The following SYT10 variants were observed in gnomAD, a reference collection of about 807,000 sequenced individuals.
The protein encoded by SYT10 is synaptotagmin 10.
In SYT10, 31 loss-of-function variants were observed where a neutral mutation model predicts 51.1. The observed-to-expected ratio is 0.61, with a 90% CI of 0.46 to 0.82. The LOEUF (loss-of-function observed/expected upper bound fraction) is 0.82, where lower values mean the gene tolerates loss of function less well. Ranked by LOEUF, SYT10 falls within the 40% of genes least tolerant of loss-of-function variation. The probability of loss-of-function intolerance (pLI) is 0.00; values close to 1 mark genes in which losing one functional copy is unlikely to be tolerated. For synonymous variants in SYT10, 233 were observed against 225.9 expected, an observed-to-expected ratio of 1.03 and a Z score of -0.28; for missense variants, 603 against 634.0, an observed-to-expected ratio of 0.95 and a Z score of 0.53.
At chr12:33,403,217 C>T (rs1212035946) in intron 3 of SYT10, among the ~76,000 whole-genome samples, 1 of 148,114 alleles carries the variant, frequency 6.8e-6, no homozygotes, top group Non-Finnish European at 1.5e-5. Context: ...TCATTATTGT[C>T]TCTTAATCTG....
intron 1 of SYT10, among the ~76,000 whole-genome samples, chr12:33,437,836 A>G (rs1259379345): frequency 1.3e-5 from 2 of 152,146 alleles, no homozygotes; most frequent in African/African-American, 4.8e-5. Context: ...GACACAGAAT[A>G]CAACATGCTC....
At position 33,439,559 on chromosome 12, in the gene SYT10, G is replaced by C. The variant is rs767029634; in HGVS notation, c.-37C>G. 2.5e-6 allele frequency: 4 copies of C among 1,604,912 alleles called. No homozygotes were observed. Among genetic ancestry groups the C allele is most frequent in the Non-Finnish European group, 3.4e-6 (4 of 1,174,770 alleles). ...TCTTTCGTTTTCTCTTTTTTTCCCA[G>C]TTAGCCGTCTTTTCCTCTTCCCGTA... On this transcript the variant is annotated 5_prime_UTR_variant, in exon 1 of 7. Transcript: ENST00000228567.
chr12:33,420,448 A>T (rs1012627387), intron 2 of SYT10, among the ~76,000 whole-genome samples: 1 of 151,936 alleles, frequency 6.6e-6, no homozygotes, highest in African/African-American at 2.4e-5. Flanking sequence ...GGAATTCAAG[A>T]CCAGCTTAGG....
At position 33,406,851 on chromosome 12, in the gene SYT10, A is replaced by G. The variant is rs148091182; in HGVS notation, c.1015T>C (p.Phe339Leu). 1.8e-4 allele frequency: 288 copies of G among 1,613,886 alleles called. No homozygotes were observed. The highest frequency in any genetic ancestry group is 2.4e-4 in the Non-Finnish European group (279 of 1,179,994). ...TCCCTGGAGAGATCAGAGACTTCAA[A>G]CAAATTATCAAGAATCACTTCCCCA... ...MIGEVILDNL[F>L]EVSDLSREAT... Residue 339 changes from phenylalanine to leucine, a missense_variant, in exon 3 of 7, where the codon TTT (phenylalanine) becomes CTT (leucine). Coordinates refer to ENST00000228567, the MANE Select transcript of SYT10 (RefSeq NM_198992.4).
At chr12:33,424,707 A>G (rs1866534767) in intron 2 of SYT10, among the ~76,000 whole-genome samples, 1 of 151,860 alleles carries the variant, frequency 6.6e-6, no homozygotes, top group South Asian at 2.1e-4. Context: ...GGCTTATTGG[A>G]CAATTATTTT....
intron 2 of SYT10, among the ~76,000 whole-genome samples, chr12:33,415,817 T>C (rs934687705): frequency 1.4e-4 from 22 of 152,154 alleles, no homozygotes; most frequent in African/African-American, 5.1e-4. Context: ...GCATATACCA[T>C]GCAAAAAACT....
At position 33,407,261 on chromosome 12, in the gene SYT10, G is replaced by T. The variant is rs1331446825; in HGVS notation, c.605C>A (p.Thr202Lys). 8 of 1,613,648 alleles carry T rather than the reference G, an allele frequency of 5.0e-6. No individual in the cohort carries two copies. Among genetic ancestry groups the T allele is most frequent in the South Asian group, 1.1e-5 (1 of 91,088 alleles). ...CTTTATCCTCCCAATGCTGGTTGTTGTTTCTCCTCGTTGTAAAACAGGTTC... is the reference window on the plus strand; with the variant it reads ...CTTTATCCTCCCAATGCTGGTTGTTTTTTCTCCTCGTTGTAAAACAGGTTC... Reference protein sequence around the residue: ...GTEPVLQRGETTTSIGRIKPE... With the variant: ...GTEPVLQRGEKTTSIGRIKPE... Residue 202 changes from threonine (T) to lysine (K), a missense_variant, in exon 3 of 7, where the codon ACA (threonine) becomes AAA (lysine). Transcript: ENST00000228567.
chr12:33,387,178 T>C (rs1241496059), intron 3 of SYT10, among the ~76,000 whole-genome samples: 1 of 152,200 alleles, frequency 6.6e-6, no homozygotes, highest in Non-Finnish European at 1.5e-5. Flanking sequence ...ATAGCTCAGG[T>C]TCTGATTTAC....
intron 2 of SYT10, among the ~76,000 whole-genome samples, chr12:33,418,962 G>T (rs1251688372): frequency 6.6e-6 from 1 of 151,912 alleles, no homozygotes; most frequent in African/African-American, 2.4e-5. Context: ...AAATAATGTA[G>T]CCCCCTCTAC....
At chr12:33,403,195 T>A (rs1866321183) in intron 3 of SYT10, among the ~76,000 whole-genome samples, 1 of 151,608 alleles carries the variant, frequency 6.6e-6, no homozygotes, top group Admixed American at 6.6e-5. Context: ...ATTATAAGAA[T>A]ATTTATATTT....
intron 2 of SYT10, among the ~76,000 whole-genome samples, chr12:33,418,824 A>G (rs1042173047): frequency 7.2e-5 from 11 of 152,148 alleles, no homozygotes; most frequent in Admixed American, 5.9e-4. Flanking sequence ...TTCTGCTTCT[A>G]TCCATGTGCC....
At chr12:33,405,751 G>A (rs1866346931) in intron 3 of SYT10, 1 of 151,176 alleles carries the variant, frequency 6.6e-6, no homozygotes, top group Non-Finnish European at 1.5e-5. Context: ...CAACCTGATG[G>A]TAAAAAATTA....
intron 1 of SYT10, among the ~76,000 whole-genome samples, chr12:33,430,406 A>G (rs1042203107): frequency 1.3e-5 from 2 of 152,218 alleles, no homozygotes; most frequent in Admixed American, 1.3e-4. Context: ...TAACCAGGCC[A>G]TAACATTTGC....
intron 1 of SYT10, among the ~76,000 whole-genome samples, chr12:33,436,766 T>A (rs1020957978): frequency 6.6e-6 from 1 of 152,194 alleles, no homozygotes; most frequent in Non-Finnish European, 1.5e-5. Flanking sequence ...TGTGAAGGAA[T>A]TAAAAATATA....
chr12:33,379,549 C>CAAAAAAAAAAAAAAAAAAAA (rs71068377), intron 6 of SYT10, among the ~76,000 whole-genome samples: 1 of 22,058 alleles, frequency 4.5e-5, no homozygotes, highest in African/African-American at 2.3e-4. Flanking sequence ...TCAGGCTATG[C>CAAAAAAAAAAAAAAAAAAAA]AAAAAAAAAA....
Position 33,439,650 on chromosome 12 carries a change from G to T in SYT10, c.-128C>A, listed in dbSNP as rs1866668595. The T allele has an allele frequency of 8.4e-7, 1 of 1,196,438 alleles. No individual in the cohort carries two copies. The allele number at this position is 1,196,438 out of a possible 1,614,324, so 74.1% of individuals were successfully genotyped here. ...GGTGACTTTGGCTGGAGATTGCGCC[G>T]CTGAGAGCCGGCAACTCTTAGGAGC... On this transcript the variant is annotated 5_prime_UTR_variant, in exon 1 of 7. Coordinates refer to ENST00000228567, the MANE Select transcript of SYT10 (RefSeq NM_198992.4).
intron 5 of SYT10, among the ~76,000 whole-genome samples, chr12:33,382,114 T>C (rs1866120288): frequency 6.6e-6 from 1 of 152,220 alleles, no homozygotes; most frequent in Non-Finnish European, 1.5e-5. Flanking sequence ...TGTTCTATAC[T>C]ACTTCTGGAC....
intron 6 of SYT10, among the ~76,000 whole-genome samples, chr12:33,377,745 A>G (rs911538735): frequency 6.7e-6 from 1 of 149,254 alleles, no homozygotes; most frequent in Non-Finnish European, 1.5e-5. Context: ...CTCCTGCCTC[A>G]GCCTCCCAAG....
intron 2 of SYT10, among the ~76,000 whole-genome samples, chr12:33,423,352 C>T (rs925069313): frequency 2.0e-5 from 3 of 150,982 alleles, no homozygotes; most frequent in Non-Finnish European, 3.0e-5. Flanking sequence ...TGTGTGTGTG[C>T]GTGCCTGTGC....
Sources: gnomAD v4.1 joint callset for allele counts (sites outside exome capture counted in the v4.1 genomes callset) on GRCh38, gnomAD v4.1.1 for gene constraint, MANE v1.5 for transcripts, NCBI Gene and HGNC (gene_info 2026-07-23, HGNC 2026-07-21) for gene names.